The following GNAL variants were observed in gnomAD, a reference collection of about 807,000 sequenced individuals.
GNAL encodes the protein G protein subunit alpha L.
In GNAL, 18 loss-of-function variants were observed where a neutral mutation model predicts 55.1. That is an observed-to-expected ratio of 0.33 (90% CI 0.23 to 0.48). The LOEUF (loss-of-function observed/expected upper bound fraction) is 0.48. Ranked by LOEUF, GNAL falls within the 20% of genes least tolerant of loss-of-function variation. The pLI, the probability that GNAL is intolerant of heterozygous loss-of-function variation, is 0.99. For missense variants in GNAL, 412 were observed against 614.1 expected, an observed-to-expected ratio of 0.67 and a Z score of 3.48; for synonymous variants, 253 against 237.0, an observed-to-expected ratio of 1.07 and a Z score of -0.62.
At chr18:11,793,065 TGTA>T (rs1435683150) in intron 4 of GNAL, among the ~76,000 whole-genome samples, 1 of 152,190 alleles carries the variant, frequency 6.6e-6, no homozygotes, top group East Asian at 1.9e-4. Context: ...TAAGACTATA[TGTA>T]GGGGTAAATC....
At chr18:11,690,037 C>T in intron 1 of GNAL, 98 bp downstream of exon 1, 1 of 665,464 alleles carries the variant, frequency 1.5e-6, no homozygotes, top group Non-Finnish European at 2.1e-6. Context: ...CACCGGGGAG[C>T]GGCGGCGGGA....
intron 4 of GNAL, among the ~76,000 whole-genome samples, chr18:11,787,600 C>T (rs989003356): frequency 1.3e-5 from 2 of 152,172 alleles, no homozygotes; most frequent in African/African-American, 4.8e-5. Context: ...TGGCCGGGCG[C>T]GGTGGCCCAC....
intron 1 of GNAL, among the ~76,000 whole-genome samples, chr18:11,695,314 G>A (rs1025330223): frequency 3.3e-5 from 5 of 152,130 alleles, no homozygotes; most frequent in African/African-American, 7.2e-5. Context: ...GGCTCTTACC[G>A]CTGATCTAAC....
At chr18:11,855,851 A>G (rs1196455524) in intron 5 of GNAL, among the ~76,000 whole-genome samples, 1 of 151,806 alleles carries the variant, frequency 6.6e-6, no homozygotes, top group African/African-American at 2.4e-5. Flanking sequence ...ACATGCCTGT[A>G]ATCCCAGCTA....
intron 4 of GNAL, among the ~76,000 whole-genome samples, chr18:11,794,531 T>G (rs1314815072): frequency 6.6e-6 from 1 of 151,976 alleles, no homozygotes; most frequent in African/African-American, 2.4e-5. Context: ...AATAGGCAAA[T>G]GTATAGAGAC....
chr18:11,813,739 G>A (rs147122802), intron 4 of GNAL, among the ~76,000 whole-genome samples: 12 of 152,186 alleles, frequency 7.9e-5, no homozygotes, highest in African/African-American at 2.2e-4. Flanking sequence ...GATGTCAAGC[G>A]CAGTGGCATG....
intron 4 of GNAL, among the ~76,000 whole-genome samples, chr18:11,778,218 A>C (rs1411565870): frequency 6.6e-6 from 1 of 152,146 alleles, no homozygotes; most frequent in Non-Finnish European, 1.5e-5. Flanking sequence ...TCATTTGACC[A>C]CTAGTAGTTT....
At chr18:11,842,756 C>T (rs2035647174) in intron 5 of GNAL, among the ~76,000 whole-genome samples, 1 of 152,134 alleles carries the variant, frequency 6.6e-6, no homozygotes, top group African/African-American at 2.4e-5. Context: ...CTGGCTGGCA[C>T]TCACCTCCTG....
At position 11,689,512 on chromosome 18, in the gene GNAL, G is replaced by A. The variant is rs1047810300; in HGVS notation, c.-52G>A. 2.6e-5 allele frequency: 25 copies of A among 946,900 alleles called. No individual in the cohort carries two copies. Among genetic ancestry groups the A allele is most frequent in the Admixed American group, 4.4e-5 (1 of 22,752 alleles). The allele number at this position is 946,900 out of a possible 1,614,324, so 58.7% of individuals were successfully genotyped here. A position where few individuals can be genotyped will look rare whatever the true frequency, so the allele number is the denominator to read the frequency against. On this transcript the variant is annotated 5_prime_UTR_variant, in exon 1 of 12. Coordinates refer to ENST00000334049, the MANE Select transcript of GNAL (RefSeq NM_182978.4). ...TGGGCGCGGGAACCAGGCCGCCCTC[G>A]GCGCCCAGCCTGCCCTAGTCCCGCG... is the stretch of plus-strand genomic sequence containing the variant.
intron 4 of GNAL, among the ~76,000 whole-genome samples, chr18:11,771,227 A>AG (rs1197708188): frequency 6.6e-6 from 1 of 151,860 alleles, no homozygotes; most frequent in African/African-American, 2.4e-5. Context: ...AAAAAAAAAA[A>AG]AAAAGAAAAA....
intron 4 of GNAL, among the ~76,000 whole-genome samples, chr18:11,812,912 A>G (rs2034855563): frequency 6.6e-6 from 1 of 152,192 alleles, no homozygotes; most frequent in South Asian, 2.1e-4. Flanking sequence ...CAGCAGATGT[A>G]AAAAATCTAT....
intron 7 of GNAL, among the ~76,000 whole-genome samples, chr18:11,865,088 A>C (rs796821030): frequency 1.4e-5 from 2 of 139,200 alleles, no homozygotes; most frequent in African/African-American, 3.4e-5. Context: ...CTGCTCCATC[A>C]CTTCCCCCGC....
At chr18:11,796,145 T>A (rs1191792263) in intron 4 of GNAL, among the ~76,000 whole-genome samples, 1 of 152,124 alleles carries the variant, frequency 6.6e-6, no homozygotes, top group Non-Finnish European at 1.5e-5. Flanking sequence ...CAGAATGGCA[T>A]AGTAAGCAGG....
chr18:11,689,804 C>T lies in GNAL; in HGVS notation c.241C>T (p.Leu81=), dbSNP rs1183190392. 5 of 1,539,272 alleles carry T rather than the reference C, an allele frequency of 3.2e-6. No individual in the cohort carries two copies. Among genetic ancestry groups the T allele is most frequent in the Non-Finnish European group, 4.4e-6 (5 of 1,145,908 alleles). ...GGAGAAGCGGCAGCGCACCGAGCAG[C>T]TGAGTGCCGAGGAGCGCGAGGCGGC... ...PKEKRQRTEQ[L]SAEEREAAKE... is the part of the protein sequence containing the mutation. The change falls in exon 1 of 12, where the codon CTG becomes TTG. Residue 81 remains leucine, a synonymous_variant. Transcript: ENST00000334049.
chr18:11,715,006 A>G (rs1048995079), intron 1 of GNAL, among the ~76,000 whole-genome samples: 1 of 152,058 alleles, frequency 6.6e-6, no homozygotes, highest in Non-Finnish European at 1.5e-5. Context: ...ATAACCAGGC[A>G]TGGTGGTGCA....
chr18:11,693,186 A>G (rs1035119943), intron 1 of GNAL, among the ~76,000 whole-genome samples: 3 of 152,186 alleles, frequency 2.0e-5, no homozygotes, highest in Non-Finnish European at 2.9e-5. Flanking sequence ...TGCTTTATAT[A>G]TAATAAAAGT....
chr18:11,868,091 C>G lies in GNAL; in HGVS notation c.911-452C>G, dbSNP rs2036307006. Among the ~76,000 whole-genome samples, 1 of 152,028 alleles carries G rather than the reference C, an allele frequency of 6.6e-6. No individual in the cohort carries two copies. The highest frequency in any genetic ancestry group is 1.5e-5 in the Non-Finnish European group (1 of 68,008). On this transcript the variant is annotated intron_variant, in intron 8 of 11. Transcript: ENST00000334049. This position sits in a 1 kb window ranked among gnomAD's most constrained non-coding sequence, Gnocchi z 4.0. ...AGTGAGCCAAGATTGCGCCATTGCACTCCAGCCTGGGCAACAAGAGTGAAA... is the reference window on the plus strand; with the variant it reads ...AGTGAGCCAAGATTGCGCCATTGCAGTCCAGCCTGGGCAACAAGAGTGAAA...
At chr18:11,709,763 C>T (rs1471324075) in intron 1 of GNAL, among the ~76,000 whole-genome samples, 1 of 152,026 alleles carries the variant, frequency 6.6e-6, no homozygotes, top group African/African-American at 2.4e-5. Flanking sequence ...AATTTTACTT[C>T]TTCCTTTTGA....
rs540776271 is a variant in GNAL, at chr18:11,823,570, C to A, written c.625-1348C>A. ...TAGCCTCTGTTTTTTCAAAGAGAGCCTTCCAAATTGTGAGCATTAAACCCC... is the reference window on the plus strand; with the variant it reads ...TAGCCTCTGTTTTTTCAAAGAGAGCATTCCAAATTGTGAGCATTAAACCCC... On this transcript the variant is annotated intron_variant, in intron 4 of 11. Transcript: ENST00000334049. 2.0e-5 allele frequency among the ~76,000 whole-genome samples: 3 copies of A among 152,308 alleles called. No individual in the cohort carries two copies. In the South Asian group the frequency reaches 6.2e-4, roughly 32 times the overall value.
Sources: allele counts gnomAD v4.1 joint callset (sites outside exome capture counted in the v4.1 genomes callset), GRCh38; gene constraint gnomAD v4.1.1; non-coding constraint Gnocchi (gnomAD v3.1); transcripts MANE v1.5; gene names NCBI Gene and HGNC (gene_info 2026-07-23, HGNC 2026-07-21).